PLD1: variants seen among roughly 807,000 people sequenced by gnomAD.
The protein encoded by PLD1 is choline phosphatase 1.
PLD1 carries 112 observed loss-of-function variants against 137.1 expected under a neutral mutation model. The ratio of observed to expected loss-of-function variants is 0.82; its 90% CI spans 0.70 to 0.96. The LOEUF is 0.96. PLD1 is among the 40% of genes least tolerant of loss of function. PLD1 has a pLI of 0.00. For missense variants in PLD1, 1,321 were observed against 1,342.0 expected, an observed-to-expected ratio of 0.98 and a Z score of 0.24; for synonymous variants, 431 against 454.7, an observed-to-expected ratio of 0.95 and a Z score of 0.66.
rs138319949 is a variant in PLD1 at position 171,675,899 on chromosome 3, A to G, written c.2115+816T>C. Among the ~76,000 whole-genome samples the G allele has an allele frequency of 4.9e-3, 740 of 150,734 alleles. 4 individuals are homozygous for G. The highest frequency in any genetic ancestry group is 0.017 in the African/African-American group (708 of 40,964). On this transcript the variant is annotated intron_variant, in intron 18 of 26. Transcript: ENST00000351298. ...GCTCTGTTGCCTAGGCTGGAGTACA[A>G]TGGAGTCCTCTCAGCTCACTGCAAA...
In PLD1 at chr3:171,733,524, T is replaced by C; in HGVS notation, c.541-15A>G. 9.9e-7 allele frequency: 1 copy of C among 1,010,582 alleles called. No individual in the cohort carries two copies. The highest frequency in any genetic ancestry group is 1.6e-6 in the Non-Finnish European group (1 of 636,728). 62.6% of individuals were successfully genotyped at this position (1,010,582 alleles called of 1,614,324 possible). ...TCCAGTTGTTTCTGTAATGCAAATA[T>C]TTTAGATAAGTGTTAACATGGTCAT... On this transcript the variant is annotated splice_polypyrimidine_tract_variant and intron_variant, in intron 5 of 26. Coordinates refer to ENST00000351298, the MANE Select transcript of PLD1 (RefSeq NM_002662.5).
At chr3:171,634,990 A>G (rs946329383) in intron 23 of PLD1, among the ~76,000 whole-genome samples, 3 of 152,116 alleles carry the variant, frequency 2.0e-5, no homozygotes, top group Non-Finnish European at 4.4e-5. Context: ...GGATTTGCCT[A>G]TTGAAGACAT....
chr3:171,682,611 C>T (rs943913702), intron 16 of PLD1, among the ~76,000 whole-genome samples: 1 of 152,242 alleles, frequency 6.6e-6, no homozygotes, highest in Non-Finnish European at 1.5e-5. Flanking sequence ...TAAGGTATTA[C>T]ATGATTTAAA....
At chr3:171,675,196 C>A (rs552925329) in intron 18 of PLD1, among the ~76,000 whole-genome samples, 1 of 152,030 alleles carries the variant, frequency 6.6e-6, no homozygotes, top group East Asian at 1.9e-4. Flanking sequence ...AGTTACAGAA[C>A]TTTATAATTG....
chr3:171,741,623 T>A (rs1017090932), intron 1 of PLD1, among the ~76,000 whole-genome samples: 1 of 152,212 alleles, frequency 6.6e-6, no homozygotes, highest in African/African-American at 2.4e-5. Context: ...ATGGTGCCCA[T>A]GGAGAGATAA....
chr3:171,680,088 G>A (rs542026556), intron 16 of PLD1, among the ~76,000 whole-genome samples: 47 of 151,902 alleles, frequency 3.1e-4, no homozygotes, highest in Non-Finnish European at 5.3e-4. Context: ...TCCTCTGGTC[G>A]TGCCACATCC....
chr3:171,601,334 T>C lies in PLD1; in HGVS notation c.*1744A>G, dbSNP rs1018510875. The C allele has an allele frequency of 2.6e-5, 4 of 152,140 alleles. No individual in the cohort carries two copies. In the South Asian group the frequency reaches 6.2e-4, roughly 24 times the overall value. 9.4% of individuals were successfully genotyped at this position (152,140 alleles called of 1,614,324 possible). A position where few individuals can be genotyped will look rare whatever the true frequency, so the allele number is the denominator to read the frequency against. ...TGACTCCTCTAAGGTTTAAAAAATATTTAAATATAAAATCTAAGAAATCCT... is the reference window on the plus strand; with the variant it reads ...TGACTCCTCTAAGGTTTAAAAAATACTTAAATATAAAATCTAAGAAATCCT... On this transcript the variant is annotated 3_prime_UTR_variant, in exon 27 of 27. Transcript: ENST00000351298.
chr3:171,736,419 CAT>C (rs937953620), intron 3 of PLD1, among the ~76,000 whole-genome samples: 9 of 152,130 alleles, frequency 5.9e-5, no homozygotes, highest in African/African-American at 9.7e-5. Flanking sequence ...TTTACCCCCA[CAT>C]GTTATTATCT....
intron 24 of PLD1, among the ~76,000 whole-genome samples, chr3:171,619,433 GTC>G (rs1021337134): frequency 4.1e-4 from 63 of 152,266 alleles, no homozygotes; most frequent in African/African-American, 1.5e-3. Flanking sequence ...CTTTGGAAAA[GTC>G]TCCTGTGTAT....
intron 1 of PLD1, among the ~76,000 whole-genome samples, chr3:171,769,790 T>A (rs1181076185): frequency 6.6e-6 from 1 of 152,200 alleles, no homozygotes; most frequent in African/African-American, 2.4e-5. Context: ...TCAATTTTTT[T>A]TAAGCAGAGA....
intron 21 of PLD1, among the ~76,000 whole-genome samples, chr3:171,648,291 C>T (rs1736434719): frequency 6.6e-6 from 1 of 152,020 alleles, no homozygotes; most frequent in Admixed American, 6.5e-5. Context: ...AGGTTACTTT[C>T]AAATGAGTAA....
intron 8 of PLD1, among the ~76,000 whole-genome samples, chr3:171,720,598 T>C (rs9880430): frequency 0.36 from 54,298 of 150,722 alleles, 10,880 homozygotes; most frequent in African/African-American, 0.52. Flanking sequence ...AAAAAAAAAG[T>C]CTTCCACTGT....
intron 21 of PLD1, among the ~76,000 whole-genome samples, chr3:171,647,952 T>C (rs1560178163): frequency 6.6e-6 from 1 of 152,144 alleles, no homozygotes; most frequent in Admixed American, 6.6e-5. Context: ...GGATTTTGCA[T>C]ATAATTAGAA....
At chr3:171,768,709 C>G (rs1722148422) in intron 1 of PLD1, among the ~76,000 whole-genome samples, 1 of 152,256 alleles carries the variant, frequency 6.6e-6, no homozygotes, top group Non-Finnish European at 1.5e-5. Flanking sequence ...CTAAGAATTT[C>G]TCTCCAGCTT....
chr3:171,601,802 T>C lies in PLD1; in HGVS notation c.*1276A>G, dbSNP rs547292806. The C allele has an allele frequency of 8.5e-5, 13 of 152,326 alleles. No homozygotes were observed. The South Asian group carries it at 1.9e-3, about 22-fold the overall frequency. The allele number at this position is 152,326 out of a possible 1,614,324, so 9.4% of individuals were successfully genotyped here. ...CTTTTGGTAACCCACATTAGCTCTT[T>C]AGACTGTCAGAGTTGTTCAGCTTAG... On this transcript the variant is annotated 3_prime_UTR_variant, in exon 27 of 27. Transcript: ENST00000351298.
chr3:171,692,065 AAAC>A (rs548396066), intron 13 of PLD1, among the ~76,000 whole-genome samples: 4 of 152,322 alleles, frequency 2.6e-5, no homozygotes, highest in African/African-American at 9.6e-5. Context: ...GTGAATATCA[AAAC>A]AACTGCAGGA....
intron 6 of PLD1, among the ~76,000 whole-genome samples, chr3:171,727,450 T>C (rs1718606742): frequency 6.6e-6 from 1 of 152,194 alleles, no homozygotes; most frequent in Non-Finnish European, 1.5e-5. Context: ...CAAATCAACA[T>C]TACATAATGT....
At chr3:171,745,552 G>C (rs920443942) in intron 1 of PLD1, among the ~76,000 whole-genome samples, 1 of 152,220 alleles carries the variant, frequency 6.6e-6, no homozygotes, top group Non-Finnish European at 1.5e-5. Context: ...CAGCACGTGG[G>C]CTCCACTGAC....
intron 1 of PLD1, among the ~76,000 whole-genome samples, chr3:171,747,309 C>T (rs1003285956): frequency 1.3e-5 from 2 of 152,174 alleles, no homozygotes; most frequent in Non-Finnish European, 2.9e-5. Flanking sequence ...CATGCCTCTC[C>T]CCTCTCCTTT....
Sources: gnomAD v4.1 joint callset for allele counts (sites outside exome capture counted in the v4.1 genomes callset) on GRCh38, gnomAD v4.1.1 for gene constraint, MANE v1.5 for transcripts, NCBI Gene and HGNC (gene_info 2026-07-23, HGNC 2026-07-21) for gene names.